CHN2: variants seen among roughly 807,000 people sequenced by gnomAD.
CHN2 encodes the protein chimerin 2, also known as beta-chimaerin.
Under a neutral mutation model 56.3 loss-of-function variants are expected in CHN2, and 35 were observed. The observed-to-expected ratio is 0.62, with a 90% confidence interval of 0.47 to 0.82. The LOEUF is 0.82. Among genes scored for constraint, CHN2 ranks in the 40% least tolerant of loss-of-function variants. The pLI is 0.00. For synonymous variants in CHN2, 210 were observed against 212.8 expected (o/e 0.99, Z 0.12); for missense variants, 491 against 580.5 (o/e 0.85, Z 1.58).
At chr7:29,325,421 G>C (rs1457763281) in intron 1 of CHN2, among the ~76,000 whole-genome samples, 1 of 152,182 alleles carries the variant, frequency 6.6e-6, no homozygotes, top group Non-Finnish European at 1.5e-5. Flanking sequence ...TAGTAGGAAA[G>C]CCAATGGCAG....
chr7:29,339,731 C>T (rs1212322300), intron 1 of CHN2, among the ~76,000 whole-genome samples: 2 of 151,776 alleles, frequency 1.3e-5, no homozygotes, highest in African/African-American at 2.4e-5. Context: ...CACGTGCCTG[C>T]AATCCCAGCT....
intron 1 of CHN2, among the ~76,000 whole-genome samples, chr7:29,228,854 G>A (rs1584798628): frequency 6.6e-6 from 1 of 152,148 alleles, no homozygotes; most frequent in African/African-American, 2.4e-5. Context: ...CTGGGGCAGG[G>A]TGCCAAAAAA....
intron 6 of CHN2, among the ~76,000 whole-genome samples, chr7:29,471,604 G>A (rs1585513371): frequency 1.3e-5 from 2 of 152,192 alleles, no homozygotes; most frequent in East Asian, 1.9e-4. Context: ...AGGAGGGGCA[G>A]TAAGACTGTT....
intron 6 of CHN2, among the ~76,000 whole-genome samples, chr7:29,409,310 A>G (rs575701879): frequency 4.6e-5 from 7 of 152,338 alleles, no homozygotes; most frequent in Non-Finnish European, 1.0e-4. Flanking sequence ...CTTGATATTT[A>G]TGGTATTAGA....
intron 2 of CHN2, among the ~76,000 whole-genome samples, chr7:29,169,187 G>A (rs940272224): frequency 6.6e-6 from 1 of 151,982 alleles, no homozygotes; most frequent in Non-Finnish European, 1.5e-5. Context: ...ATTCAGTACT[G>A]TTTTTGAAAG....
At chr7:29,402,656 A>G (rs1044615000) in intron 6 of CHN2, among the ~76,000 whole-genome samples, 1 of 152,226 alleles carries the variant, frequency 6.6e-6, no homozygotes, top group Admixed American at 6.5e-5. Context: ...TACAAACTGC[A>G]GGATGCACAC....
At chr7:29,345,950 A>T (rs1487334083) in intron 1 of CHN2, among the ~76,000 whole-genome samples, 1 of 151,996 alleles carries the variant, frequency 6.6e-6, no homozygotes, top group Non-Finnish European at 1.5e-5. Flanking sequence ...TGCAAGTGGG[A>T]CTCAAGCAGT....
chr7:29,470,665 G>A (rs1562632857), intron 6 of CHN2, among the ~76,000 whole-genome samples: 1 of 152,154 alleles, frequency 6.6e-6, no homozygotes, highest in Non-Finnish European at 1.5e-5. Flanking sequence ...GTGCTGCTTT[G>A]CAAATTGCCA....
At chr7:29,394,427 G>A (rs1395599536) in intron 4 of CHN2, among the ~76,000 whole-genome samples, 2 of 152,180 alleles carry the variant, frequency 1.3e-5, no homozygotes. Flanking sequence ...GTGAGGCAAC[G>A]TCTCTTTTGA....
intron 3 of CHN2, among the ~76,000 whole-genome samples, chr7:29,384,280 C>G (rs1048181846): frequency 6.6e-6 from 1 of 152,188 alleles, no homozygotes; most frequent in Admixed American, 6.5e-5. Flanking sequence ...TATCCTTGAG[C>G]AATTTCCCTT....
intron 1 of CHN2, among the ~76,000 whole-genome samples, chr7:29,293,396 A>C (rs1792836778): frequency 3.2e-5 from 3 of 93,718 alleles, no homozygotes; most frequent in Admixed American, 1.5e-4. Context: ...TCCAAGGTCC[A>C]CTCTCAGTCC....
At chr7:29,290,370 T>C (rs1489532581) in intron 1 of CHN2, among the ~76,000 whole-genome samples, 3 of 152,210 alleles carry the variant, frequency 2.0e-5, no homozygotes, top group African/African-American at 7.2e-5. Flanking sequence ...GTTCTGTGGA[T>C]AGCGAATCTC....
chr7:29,359,298 C>T (rs1309938935), intron 2 of CHN2, among the ~76,000 whole-genome samples: 1 of 152,154 alleles, frequency 6.6e-6, no homozygotes, highest in African/African-American at 2.4e-5. Flanking sequence ...GCTGGGAAGG[C>T]AACCATAAAT....
chr7:29,331,882 C>T (rs186066243), intron 1 of CHN2, among the ~76,000 whole-genome samples: 2 of 151,996 alleles, frequency 1.3e-5, no homozygotes, highest in East Asian at 1.9e-4. Context: ...CAACATGGCA[C>T]GTGCCTGTAA....
At chr7:29,202,850 G>T (rs1007263537) in intron 1 of CHN2, among the ~76,000 whole-genome samples, 1 of 152,186 alleles carries the variant, frequency 6.6e-6, no homozygotes, top group Admixed American at 6.5e-5. Context: ...TTGCTTCCAT[G>T]AAATAAGCCC....
At chr7:29,170,479 C>T (rs1796456264) in intron 2 of CHN2, among the ~76,000 whole-genome samples, 1 of 152,180 alleles carries the variant, frequency 6.6e-6, no homozygotes, top group African/African-American at 2.4e-5. Flanking sequence ...CATATTTTCT[C>T]CAATTGTTCA....
intron 2 of CHN2, among the ~76,000 whole-genome samples, chr7:29,359,096 A>G (rs567372161): frequency 1.3e-5 from 2 of 152,284 alleles, no homozygotes; most frequent in East Asian, 3.9e-4. Flanking sequence ...AAAGTCTCGG[A>G]ATTGAGTCTC....
At chr7:29,348,514 G>A (rs1797639233) in intron 1 of CHN2, among the ~76,000 whole-genome samples, 1 of 152,004 alleles carries the variant, frequency 6.6e-6, no homozygotes, top group Non-Finnish European at 1.5e-5. Flanking sequence ...TTTCATGAGA[G>A]GAGACACCTG....
At chr7:29,212,297 TA>T in intron 1 of CHN2, 1 of 1,190,626 alleles carries the variant, frequency 8.4e-7, no homozygotes, top group Non-Finnish European at 1.3e-6. Flanking sequence ...TCCTCAATAC[TA>T]ACATGAGTGT....
Sources: allele counts gnomAD v4.1 joint callset (sites outside exome capture counted in the v4.1 genomes callset), GRCh38; gene constraint gnomAD v4.1.1; transcripts MANE v1.5; gene names NCBI Gene and HGNC (gene_info 2026-07-23, HGNC 2026-07-21).